The following RAB38 variants were observed in gnomAD, a reference collection of about 807,000 sequenced individuals.
RAB38 encodes the protein RAB38, member RAS oncogene family, also known as ras-related protein Rab-38.
A neutral mutation model predicts 18.4 loss-of-function variants in RAB38; 15 were observed. The observed-to-expected ratio is 0.82, with a 90% confidence interval of 0.55 to 1.26. The LOEUF (loss-of-function observed/expected upper bound fraction) is 1.26. RAB38 is among the 50% of genes most tolerant of loss of function. RAB38 has a pLI of 0.00. For synonymous variants in RAB38, 101 were observed against 104.4 expected (o/e 0.97, Z 0.20); for missense variants, 294 against 267.4 (o/e 1.10, Z -0.69).
At chr11:87,824,195 GA>G in the RAB38 span, among the ~76,000 whole-genome samples, 1 of 152,138 alleles carries the variant, frequency 6.6e-6, no homozygotes, top group Non-Finnish European at 1.5e-5. Context: ...AGGATTAAGA[GA>G]AAAGTCTACA....
chr11:87,860,006 G>C, the RAB38 span, among the ~76,000 whole-genome samples: 2 of 152,006 alleles, frequency 1.3e-5, no homozygotes, highest in African/African-American at 4.8e-5. Flanking sequence ...AATACTTAAA[G>C]TGGCATCAGC....
At chr11:88,036,683 T>A in the RAB38 span, among the ~76,000 whole-genome samples, 1 of 152,082 alleles carries the variant, frequency 6.6e-6, no homozygotes, top group South Asian at 2.1e-4. Context: ...GTCACTTGTT[T>A]CTCTTTTGTG....
the RAB38 span, among the ~76,000 whole-genome samples, chr11:88,014,231 C>T: frequency 6.6e-5 from 10 of 152,002 alleles, no homozygotes; most frequent in Non-Finnish European, 8.8e-5. Flanking sequence ...CTGCATGTTA[C>T]GGATGAGGAA....
chr11:87,803,848 C>T, the RAB38 span, among the ~76,000 whole-genome samples: 1 of 152,198 alleles, frequency 6.6e-6, no homozygotes, highest in Non-Finnish European at 1.5e-5. Context: ...CAAGCAAGTT[C>T]AAAACTCAGC....
chr11:87,906,476 T>G, the RAB38 span, among the ~76,000 whole-genome samples: 1 of 151,962 alleles, frequency 6.6e-6, no homozygotes, highest in Non-Finnish European at 1.5e-5. Context: ...GAAGAGTGCT[T>G]TGAAGACACA....
At chr11:88,093,384 T>A in the RAB38 span, among the ~76,000 whole-genome samples, 2 of 152,044 alleles carry the variant, frequency 1.3e-5, no homozygotes, top group African/African-American at 4.8e-5. Context: ...TGGAAGTGAC[T>A]ACTAATGGTT....
chr11:87,862,911 A>G, the RAB38 span, among the ~76,000 whole-genome samples: 2 of 151,934 alleles, frequency 1.3e-5, no homozygotes, highest in Non-Finnish European at 2.9e-5. Context: ...ATTAATGAAT[A>G]AACCATTACC....
At chr11:88,070,234 G>A in the RAB38 span, among the ~76,000 whole-genome samples, 2 of 152,260 alleles carry the variant, frequency 1.3e-5, no homozygotes, top group Admixed American at 6.5e-5. Flanking sequence ...AACTCTGGAC[G>A]GGAGGAGTGA....
chr11:87,939,071 G>C, the RAB38 span, among the ~76,000 whole-genome samples: 2 of 151,842 alleles, frequency 1.3e-5, no homozygotes, highest in African/African-American at 4.8e-5. Flanking sequence ...ATTGCTTTTT[G>C]TGATCAAATG....
At chr11:87,858,547 C>T in the RAB38 span, among the ~76,000 whole-genome samples, 1 of 152,062 alleles carries the variant, frequency 6.6e-6, no homozygotes, top group Admixed American at 6.6e-5. Context: ...TTTGGGATAA[C>T]TCAAATTATT....
chr11:88,005,905 T>A, the RAB38 span, among the ~76,000 whole-genome samples: 1 of 151,558 alleles, frequency 6.6e-6, no homozygotes, highest in South Asian at 2.1e-4. Context: ...ATATCAGTTG[T>A]CTATAGATGC....
the RAB38 span, among the ~76,000 whole-genome samples, chr11:87,908,529 C>T: frequency 6.6e-6 from 1 of 151,992 alleles, no homozygotes; most frequent in Non-Finnish European, 1.5e-5. Flanking sequence ...TGGAGGTCTG[C>T]TTACTTACTC....
the RAB38 span, among the ~76,000 whole-genome samples, chr11:88,084,436 G>C: frequency 6.6e-6 from 1 of 151,740 alleles, no homozygotes; most frequent in Non-Finnish European, 1.5e-5. Flanking sequence ...AAATCATCCT[G>C]AACAGCCACT....
At chr11:88,111,570 G>A (rs1942474166), downstream of RAB38, among the ~76,000 whole-genome samples, 1 of 152,132 alleles carries the variant, frequency 6.6e-6, no homozygotes, top group South Asian at 2.1e-4. Context: ...AAAAGTAACA[G>A]GGAGAGGCTA....
At chr11:87,888,837 A>G in the RAB38 span, among the ~76,000 whole-genome samples, 1 of 151,966 alleles carries the variant, frequency 6.6e-6, no homozygotes, top group Non-Finnish European at 1.5e-5. Flanking sequence ...TAAAAGGTGA[A>G]ATGAAGTACT....
the RAB38 span, among the ~76,000 whole-genome samples, chr11:87,835,749 C>A: frequency 6.6e-6 from 1 of 152,096 alleles, no homozygotes; most frequent in Non-Finnish European, 1.5e-5. Context: ...CAGAAGGAAC[C>A]AAAACCTCTG....
At chr11:87,865,478 A>T in the RAB38 span, among the ~76,000 whole-genome samples, 1 of 151,680 alleles carries the variant, frequency 6.6e-6, no homozygotes, top group South Asian at 2.1e-4. Context: ...TAGAAGTTTG[A>T]AAAGGTGAAG....
At chr11:87,840,615 A>T in the RAB38 span, among the ~76,000 whole-genome samples, 1 of 152,198 alleles carries the variant, frequency 6.6e-6, no homozygotes, top group Non-Finnish European at 1.5e-5. Context: ...ACCCAGTGAT[A>T]TAAGTCTATT....
the RAB38 span, among the ~76,000 whole-genome samples, chr11:87,805,301 C>A: frequency 6.6e-6 from 1 of 152,118 alleles, no homozygotes; most frequent in African/African-American, 2.4e-5. Context: ...TACACACACA[C>A]AAACACCTAT....
Sources: gnomAD v4.1 joint callset for allele counts (sites outside exome capture counted in the v4.1 genomes callset) on GRCh38, gnomAD v4.1.1 for gene constraint, MANE v1.5 for transcripts, NCBI Gene and HGNC (gene_info 2026-07-23, HGNC 2026-07-21) for gene names.